Variants in BRCA2 observed in about 807,000 individuals in gnomAD.
The protein encoded by BRCA2 is BRCA2 DNA repair associated, also known as breast cancer type 2 susceptibility protein.
Under a neutral mutation model 276.7 loss-of-function variants are expected in BRCA2, and 203 were observed. The observed-to-expected ratio is 0.73, with a 90% confidence interval of 0.65 to 0.82. The LOEUF is 0.82. BRCA2 is among the 40% of genes least tolerant of loss of function. The pLI is 0.00. For synonymous variants in BRCA2, 1,289 were observed against 1,338.4 expected (o/e 0.96, Z 0.81); for missense variants, 3,920 against 3,915.0 (o/e 1.00, Z -0.03).
intron 24 of BRCA2, among the ~76,000 whole-genome samples, chr13:32,389,802 C>T (rs1292041326): frequency 2.0e-5 from 3 of 152,186 alleles, no homozygotes; most frequent in African/African-American, 4.8e-5. Context: ...ATCCTGGAAC[C>T]TTTCCTTATG....
intron 20 of BRCA2, among the ~76,000 whole-genome samples, chr13:32,373,082 T>C (rs963264387): frequency 4.0e-5 from 6 of 151,122 alleles, no homozygotes; most frequent in African/African-American, 1.5e-4. Context: ...AACCTCCGCC[T>C]CCTGTTTCAA....
chr13:32,361,541 G>A (rs554750517), intron 16 of BRCA2, among the ~76,000 whole-genome samples: 2 of 152,180 alleles, frequency 1.3e-5, no homozygotes, highest in East Asian at 3.9e-4. Flanking sequence ...GAAAAAAACC[G>A]TTTCTTATGC....
chr13:32,337,566 C>T lies in BRCA2; in HGVS notation c.3211C>T (p.His1071Tyr), dbSNP rs80358564. 3.1e-6 allele frequency: 5 copies of T among 1,606,160 alleles called. No homozygotes were observed. The highest frequency in any genetic ancestry group is 4.3e-6 in the Non-Finnish European group (5 of 1,175,990). The part of the protein sequence containing the change: ...KPQSINTVSA[H>Y]LQSSVVVSDC... ...TCAGTCAATTAATACTGTATCTGCACATTTACAGAGTAGTGTAGTTGTTTC... is the reference window on the plus strand; with the variant it reads ...TCAGTCAATTAATACTGTATCTGCATATTTACAGAGTAGTGTAGTTGTTTC... Residue 1071 changes from histidine to tyrosine, a missense_variant, in exon 11 of 27, where the codon CAT becomes TAT. Transcript: ENST00000380152.
intron 13 of BRCA2, among the ~76,000 whole-genome samples, chr13:32,351,584 G>A (rs1019913768): frequency 1.3e-5 from 2 of 152,184 alleles, no homozygotes; most frequent in Non-Finnish European, 2.9e-5. Flanking sequence ...TGTGTGTGTA[G>A]TAAGGTAGAA....
At chr13:32,344,005 T>C (rs2072591749) in intron 11 of BRCA2, among the ~76,000 whole-genome samples, 1 of 152,126 alleles carries the variant, frequency 6.6e-6, no homozygotes, top group South Asian at 2.1e-4. Context: ...CCTTGAATTA[T>C]GGTTTAATCT....
chr13:32,373,668 C>T (rs1212982783), intron 20 of BRCA2, among the ~76,000 whole-genome samples: 1 of 152,200 alleles, frequency 6.6e-6, no homozygotes, highest in Non-Finnish European at 1.5e-5. Context: ...GGCAGCTCTG[C>T]CCTTTGGCTC....
intron 14 of BRCA2, among the ~76,000 whole-genome samples, chr13:32,355,847 T>A (rs1020604919): frequency 6.6e-6 from 1 of 151,728 alleles, no homozygotes; most frequent in Non-Finnish European, 1.5e-5. Context: ...GCCATTGCAC[T>A]CCAGCCTGGG....
chr13:32,385,616 G>T, intron 24 of BRCA2: 1 of 265,014 alleles, frequency 3.8e-6, no homozygotes. Context: ...GGGCAGAACA[G>T]AGAAAAGGTA....
rs947435400 is a variant in BRCA2 at position 32,366,800 on chromosome 13, C to A, written c.8331+3267C>A. On this transcript the variant is annotated intron_variant, in intron 18 of 26. Coordinates refer to ENST00000380152, the MANE Select transcript of BRCA2 (RefSeq NM_000059.4). ...TCGCACCACTGCACTCCAGCCTGGG[C>A]GACAAAGTGAGACCCTGTCTCAAAG... Among the ~76,000 whole-genome samples, 3 of 145,172 alleles carry A rather than the reference C, an allele frequency of 2.1e-5. No homozygotes were observed. The South Asian group carries it at 6.4e-4, about 31-fold the overall frequency.
chr13:32,372,017 T>C, intron 20 of BRCA2, among the ~76,000 whole-genome samples: 1 of 152,200 alleles, frequency 6.6e-6, no homozygotes, highest in East Asian at 1.9e-4. Flanking sequence ...ATCAGAGTGG[T>C]AGTTGGTGAA....
chr13:32,371,838 C>T (rs1271995053), intron 20 of BRCA2, among the ~76,000 whole-genome samples: 1 of 152,178 alleles, frequency 6.6e-6, no homozygotes, highest in Non-Finnish European at 1.5e-5. Context: ...AATGTTTACA[C>T]TATAGCATAA....
At position 32,376,533 on chromosome 13, in the gene BRCA2, AAAG is replaced by A. The variant is rs1593934642; in HGVS notation, c.8633-134_8633-132del. 4.8e-6 allele frequency: 5 copies of A among 1,031,972 alleles called. No homozygotes were observed. The East Asian group carries it at 7.8e-5, about 16-fold the overall frequency. 63.9% of individuals were successfully genotyped at this position (1,031,972 alleles called of 1,614,324 possible). A position where few individuals can be genotyped will look rare whatever the true frequency, so the allele number is the denominator to read the frequency against. On this transcript the variant is annotated intron_variant, in intron 20 of 26. Transcript: ENST00000380152. ...TGAGACCCTGTCTCAAAAAAAAAAA[AAAG>A]AAAAAACTTTTAGCAGTTATATAGT...
chr13:32,365,109 C>CTTTTTTTTTTT (rs57551462), intron 18 of BRCA2, among the ~76,000 whole-genome samples: 2 of 64,460 alleles, frequency 3.1e-5, no homozygotes, highest in Admixed American at 2.7e-4. Context: ...GCAGTGCATT[C>CTTTTTTTTTTT]TTTTTTTTTT....
intron 25 of BRCA2, 99 bp downstream of exon 25, chr13:32,395,032 G>T: frequency 6.5e-7 from 1 of 1,531,730 alleles, no homozygotes; most frequent in Non-Finnish European, 8.9e-7. Context: ...GATAGTTGAG[G>T]TAGTATGTGA....
chr13:32,340,196 T>C lies in BRCA2; in HGVS notation c.5841T>C (p.Pro1947=), dbSNP rs751397718. 2 of 1,613,638 alleles carry C rather than the reference T, an allele frequency of 1.2e-6. No individual in the cohort carries two copies. The highest frequency in any genetic ancestry group is 2.2e-5 in the East Asian group (1 of 44,862). ...TGGAGAAAGTTTCTAAAATATCACCTTGTGATGTTAGTTTGGAAACTTCAG... is the reference window on the plus strand; with the variant it reads ...TGGAGAAAGTTTCTAAAATATCACCCTGTGATGTTAGTTTGGAAACTTCAG... ...SGLEKVSKIS[P]CDVSLETSDI... Residue 1947 remains proline (P), a synonymous_variant, in exon 11 of 27, where the codon CCT becomes CCC. Transcript: ENST00000380152.
chr13:32,361,473 A>G (rs2072736995), intron 16 of BRCA2, among the ~76,000 whole-genome samples: 1 of 152,166 alleles, frequency 6.6e-6, no homozygotes, highest in African/African-American at 2.4e-5. Flanking sequence ...AGAGAGAGGG[A>G]CATTGCTTGG....
At chr13:32,321,788 T>G (rs914488049) in intron 3 of BRCA2, among the ~76,000 whole-genome samples, 3 of 152,230 alleles carry the variant, frequency 2.0e-5, no homozygotes, top group Non-Finnish European at 2.9e-5. Context: ...TATGAGGAAT[T>G]GTGCTGTTTC....
intron 13 of BRCA2, 115 bp downstream of exon 13, chr13:32,347,011 T>TTTTATAAAATTTATAAAA: frequency 1.4e-6 from 1 of 716,950 alleles, no homozygotes; most frequent in Non-Finnish European, 2.2e-6. Context: ...ACACTTCCCG[T>TTTTATAAAATTTATAAAA]TTTATAAAAT....
intron 20 of BRCA2, among the ~76,000 whole-genome samples, chr13:32,373,600 G>C (rs895490983): frequency 6.6e-6 from 1 of 152,204 alleles, no homozygotes; most frequent in South Asian, 2.1e-4. Context: ...AATCTCCTTT[G>C]ACTCCATGTC....
Sources: allele counts gnomAD v4.1 joint callset (sites outside exome capture counted in the v4.1 genomes callset), GRCh38; gene constraint gnomAD v4.1.1; transcripts MANE v1.5; gene names NCBI Gene and HGNC (gene_info 2026-07-23, HGNC 2026-07-21).